The following NOX4 variants were observed in gnomAD, a reference collection of about 807,000 sequenced individuals.
NOX4 encodes the protein kidney oxidase-1.
In NOX4, 69 loss-of-function variants were observed where a neutral mutation model predicts 87.6. That is an observed-to-expected ratio of 0.79 (90% CI 0.65 to 0.96). NOX4 has a LOEUF of 0.96. NOX4 is among the 40% of genes least tolerant of loss of function. NOX4 has a pLI of 0.00. For missense variants in NOX4, 680 were observed against 681.5 expected, an observed-to-expected ratio of 1.00 and a Z score of 0.02; for synonymous variants, 275 against 238.2, an observed-to-expected ratio of 1.15 and a Z score of -1.42.
the NOX4 span, among the ~76,000 whole-genome samples, chr11:89,585,839 T>C: frequency 6.6e-6 from 1 of 152,212 alleles, no homozygotes; most frequent in African/African-American, 2.4e-5. Context: ...CCTGAACATA[T>C]TTTAAAGAAT....
intron 2 of NOX4, among the ~76,000 whole-genome samples, chr11:89,471,350 T>C (rs1346804753): frequency 6.6e-6 from 1 of 152,164 alleles, no homozygotes; most frequent in Non-Finnish European, 1.5e-5. Flanking sequence ...ATAAGTACTC[T>C]TTGGGGAAAA....
At chr11:89,489,506 T>C (rs899639540) in intron 2 of NOX4, among the ~76,000 whole-genome samples, 9 of 152,082 alleles carry the variant, frequency 5.9e-5, no homozygotes, top group African/African-American at 2.2e-4. Flanking sequence ...GGCAGGCGGA[T>C]CACTTGAGGT....
intron 13 of NOX4, among the ~76,000 whole-genome samples, chr11:89,353,394 G>C (rs760553064): frequency 6.6e-6 from 1 of 152,082 alleles, no homozygotes; most frequent in African/African-American, 2.4e-5. Context: ...CATCAACATC[G>C]AGGAAAGATC....
intron 2 of NOX4, among the ~76,000 whole-genome samples, chr11:89,482,611 T>G (rs1374365031): frequency 6.6e-6 from 1 of 152,094 alleles, no homozygotes; most frequent in Non-Finnish European, 1.5e-5. Flanking sequence ...TCTAGAACTA[T>G]GAAGAAATTT....
chr11:89,406,932 G>A (rs1394227053), intron 8 of NOX4, among the ~76,000 whole-genome samples: 1 of 152,068 alleles, frequency 6.6e-6, no homozygotes, highest in Non-Finnish European at 1.5e-5. Flanking sequence ...GAAGGCAGCT[G>A]AAGGATGTAG....
intron 8 of NOX4, among the ~76,000 whole-genome samples, chr11:89,420,952 G>C (rs1283161573): frequency 2.0e-5 from 3 of 152,138 alleles, no homozygotes; most frequent in Admixed American, 1.3e-4. Flanking sequence ...GACCTATGCT[G>C]TTCCCAAGAT....
chr11:89,403,275 T>C (rs1472446737), intron 8 of NOX4, among the ~76,000 whole-genome samples: 1 of 152,170 alleles, frequency 6.6e-6, no homozygotes, highest in Non-Finnish European at 1.5e-5. Flanking sequence ...AACATCTACC[T>C]AGTAGGGATA....
the NOX4 span, chr11:89,548,829 G>A: frequency 1.3e-5 from 2 of 152,130 alleles, no homozygotes; most frequent in Admixed American, 6.5e-5. Context: ...TTGCACCACA[G>A]ACTGGAAGCC....
chr11:89,538,635 C>T, the NOX4 span, among the ~76,000 whole-genome samples: 1 of 152,082 alleles, frequency 6.6e-6, no homozygotes, highest in South Asian at 2.1e-4. Context: ...GACCTTTCTA[C>T]ATCTTCTGTT....
chr11:89,429,044 G>A (rs1479393425), intron 7 of NOX4, among the ~76,000 whole-genome samples: 3 of 152,158 alleles, frequency 2.0e-5, no homozygotes, highest in Non-Finnish European at 2.9e-5. Flanking sequence ...CTAGAACTCA[G>A]GATTAAGAAC....
At chr11:89,522,851 A>T in the NOX4 span, among the ~76,000 whole-genome samples, 1 of 152,122 alleles carries the variant, frequency 6.6e-6, no homozygotes, top group Non-Finnish European at 1.5e-5. Flanking sequence ...AGAAGGCAAA[A>T]GGGAAACAAA....
At chr11:89,432,266 G>A (rs534396445) in intron 7 of NOX4, among the ~76,000 whole-genome samples, 2 of 151,994 alleles carry the variant, frequency 1.3e-5, no homozygotes, top group South Asian at 2.1e-4. Context: ...GAGTTAATGG[G>A]TGCGGCACAC....
chr11:89,554,669 T>G, the NOX4 span, among the ~76,000 whole-genome samples: 2 of 152,180 alleles, frequency 1.3e-5, no homozygotes, highest in Non-Finnish European at 1.5e-5. Flanking sequence ...TTAAATATCT[T>G]TCTAAATCTA....
chr11:89,363,301 T>C (rs1361651187), intron 12 of NOX4, among the ~76,000 whole-genome samples: 4 of 152,100 alleles, frequency 2.6e-5, no homozygotes, highest in Non-Finnish European at 4.4e-5. Context: ...TCTATAATGA[T>C]AGAAAATTTA....
the NOX4 span, among the ~76,000 whole-genome samples, chr11:89,544,353 G>T: frequency 6.6e-6 from 1 of 152,026 alleles, no homozygotes; most frequent in Admixed American, 6.6e-5. Flanking sequence ...CTCTGTAAAG[G>T]TAGGTACCAC....
intron 2 of NOX4, among the ~76,000 whole-genome samples, chr11:89,471,369 G>A (rs1249582808): frequency 6.6e-6 from 1 of 151,996 alleles, no homozygotes; most frequent in Non-Finnish European, 1.5e-5. Flanking sequence ...AATATGTTCT[G>A]AGCAACGAAA....
chr11:89,346,307 A>G (rs1289353709), intron 13 of NOX4, among the ~76,000 whole-genome samples: 1 of 152,202 alleles, frequency 6.6e-6, no homozygotes, highest in African/African-American at 2.4e-5. Flanking sequence ...TAATTAATTT[A>G]AAGTCTGTAA....
intron 8 of NOX4, among the ~76,000 whole-genome samples, chr11:89,405,423 G>A (rs1015640541): frequency 7.2e-5 from 11 of 151,898 alleles, no homozygotes; most frequent in Non-Finnish European, 1.6e-4. Context: ...CATTAAAACT[G>A]TCCTTACTTT....
At chr11:89,445,754 A>G (rs960867744) in intron 4 of NOX4, among the ~76,000 whole-genome samples, 7 of 152,290 alleles carry the variant, frequency 4.6e-5, no homozygotes, top group Admixed American at 4.6e-4. Context: ...ATGCAAAACC[A>G]TAAAACTCCT....
Sources: gnomAD v4.1 joint callset for allele counts (sites outside exome capture counted in the v4.1 genomes callset) on GRCh38, gnomAD v4.1.1 for gene constraint, MANE v1.5 for transcripts, NCBI Gene and HGNC (gene_info 2026-07-23, HGNC 2026-07-21) for gene names.